The following ROPN1L variants were observed in gnomAD, a reference collection of about 807,000 sequenced individuals.
ROPN1L encodes the protein rhophilin associated tail protein 1 like, also known as ropporin-1-like protein.
In ROPN1L, 23 loss-of-function variants were observed where a neutral mutation model predicts 22.7. That is an observed-to-expected ratio of 1.01 (90% CI 0.73 to 1.43). The LOEUF (loss-of-function observed/expected upper bound fraction) is 1.43. ROPN1L is among the 40% of genes most tolerant of loss of function. The probability of loss-of-function intolerance (pLI) is 0.00; values close to 1 mark genes in which losing one functional copy is unlikely to be tolerated. For synonymous variants in ROPN1L, 116 were observed against 117.8 expected (o/e 0.98, Z 0.10); for missense variants, 271 against 291.5 (o/e 0.93, Z 0.51).
chr5:10,477,112 T>C, the ROPN1L span, among the ~76,000 whole-genome samples: 56 of 152,396 alleles, frequency 3.7e-4, 1 homozygote, highest in East Asian at 8.9e-3. Context: ...TAATGAACAC[T>C]AAAATTAAGT....
intron 1 of ROPN1L, among the ~76,000 whole-genome samples, chr5:10,445,295 A>C (rs1741021608): frequency 6.6e-6 from 1 of 152,150 alleles, no homozygotes; most frequent in Non-Finnish European, 1.5e-5. Flanking sequence ...AGTTTAGGAG[A>C]AAACCCAGGT....
At position 10,448,395 on chromosome 5, in the gene ROPN1L, C is replaced by G. The variant is rs199682495; in HGVS notation, c.255+12C>G. On this transcript the variant is annotated intron_variant, in intron 2 of 4. Coordinates refer to ENST00000274134, the MANE Select transcript of ROPN1L (RefSeq NM_031916.5). The stretch of plus-strand genomic sequence containing the variant: ...TTTTGCACAAGCAGGTATGGGGGGG[C>G]GTAGTCTCTGGCCTCAGGCAGCTGG... 3 of 1,613,842 alleles carry G rather than the reference C, an allele frequency of 1.9e-6. No homozygotes were observed. The South Asian group carries it at 3.3e-5, about 18-fold the overall frequency.
intron 3 of ROPN1L, among the ~76,000 whole-genome samples, chr5:10,460,940 A>C (rs1429904648): frequency 6.6e-6 from 1 of 152,242 alleles, no homozygotes; most frequent in African/African-American, 2.4e-5. Flanking sequence ...TTCTATTTTA[A>C]TAGAAAATAA....
At position 10,442,230 on chromosome 5, in the gene ROPN1L, C is replaced by T. The variant is rs764462958; in HGVS notation, c.63C>T (p.Asp21=). Residue 21 remains aspartate (D), a synonymous_variant, in exon 1 of 5, where the codon GAC becomes GAT. Coordinates refer to ENST00000274134, the MANE Select transcript of ROPN1L (RefSeq NM_031916.5). ...QQIHIPPELP[D]ILKQFTKAAI... ...TCCACATTCCCCCGGAGCTGCCGGA[C>T]ATCCTGAAGCAATTCACCAAGGCTG... 11 of 1,613,750 alleles carry T rather than the reference C, an allele frequency of 6.8e-6. No homozygotes were observed. The African/African-American group carries it at 1.2e-4, about 18-fold the overall frequency.
chr5:10,450,882 A>C (rs1185202027), intron 3 of ROPN1L, among the ~76,000 whole-genome samples: 1 of 152,176 alleles, frequency 6.6e-6, no homozygotes. Context: ...ACTTAGGAAT[A>C]AGACATGATC....
rs199750732 is a variant in ROPN1L at position 10,464,832 on chromosome 5, T to A, written c.594-16T>A. The A allele has an allele frequency of 4.5e-5, 67 of 1,480,426 alleles. No homozygotes were observed. The South Asian group carries it at 4.9e-4, about 11-fold the overall frequency. The allele number at this position is 1,480,426 out of a possible 1,614,324, so 91.7% of individuals were successfully genotyped here. ...GAGAAATTACCAATAAATATCTTTA[T>A]CTGTTTCCAATTTAGAGACGCCAGG... is the stretch of plus-strand genomic sequence containing the variant. On this transcript the variant is annotated splice_polypyrimidine_tract_variant and intron_variant, in intron 4 of 4. Transcript: ENST00000274134.
chr5:10,462,672 T>C (rs538240243), intron 4 of ROPN1L, among the ~76,000 whole-genome samples: 30 of 152,248 alleles, frequency 2.0e-4, no homozygotes, highest in Admixed American at 6.5e-4. Flanking sequence ...GGCAGGTGGA[T>C]CACTTGAGAT....
At chr5:10,468,425 C>G (rs1282870297), downstream of ROPN1L, among the ~76,000 whole-genome samples, 1 of 152,182 alleles carries the variant, frequency 6.6e-6, no homozygotes, top group African/African-American at 2.4e-5. Flanking sequence ...AACACGTTCC[C>G]TATTCTGTTG....
In ROPN1L at chr5:10,450,131, G is replaced by A; in HGVS notation, c.417+18G>A. ...TTGGTGGGGTATGTACCTATAAACA[G>A]CATATTAATAATTCTGTGTCATCAT... On this transcript the variant is annotated intron_variant, in intron 3 of 4. Transcript: ENST00000274134. 1.3e-6 allele frequency: 2 copies of A among 1,546,002 alleles called. No homozygotes were observed. Among genetic ancestry groups the A allele is most frequent in the Non-Finnish European group, 8.7e-7 (1 of 1,145,748 alleles).
chr5:10,442,430 C>G, intron 1 of ROPN1L, 132 bp downstream of exon 1: 3 of 1,129,784 alleles, frequency 2.7e-6, no homozygotes, highest in Non-Finnish European at 3.7e-6. Context: ...AAACTTTCCC[C>G]TTAGCATTGG....
chr5:10,446,092 C>T (rs1306936408), intron 1 of ROPN1L, among the ~76,000 whole-genome samples: 1 of 152,196 alleles, frequency 6.6e-6, no homozygotes, highest in East Asian at 1.9e-4. Flanking sequence ...TTCCTTATGA[C>T]ACCATTGTGC....
chr5:10,460,270 A>G (rs185464688), intron 3 of ROPN1L, among the ~76,000 whole-genome samples: 1 of 152,256 alleles, frequency 6.6e-6, no homozygotes, highest in Admixed American at 6.5e-5. Flanking sequence ...TGAAACAAAC[A>G]CACAAACAGC....
intron 4 of ROPN1L, among the ~76,000 whole-genome samples, chr5:10,461,757 A>G: frequency 6.6e-6 from 1 of 152,280 alleles, no homozygotes; most frequent in South Asian, 2.1e-4. Context: ...TGGGTCAATT[A>G]ATTTGCTAGA....
downstream of ROPN1L, among the ~76,000 whole-genome samples, chr5:10,474,162 A>G (rs959662978): frequency 4.2e-4 from 38 of 90,714 alleles, no homozygotes; most frequent in Non-Finnish European, 6.4e-4. Flanking sequence ...AAAAAAAGGA[A>G]AAAAAAAAAA....
At chr5:10,467,425 G>A (rs1442919483), downstream of ROPN1L, among the ~76,000 whole-genome samples, 1 of 152,134 alleles carries the variant, frequency 6.6e-6, no homozygotes, top group South Asian at 2.1e-4. Context: ...ACAAAACCAC[G>A]GGATCACAGA....
At chr5:10,480,403 T>TA in the ROPN1L span, among the ~76,000 whole-genome samples, 1,868 of 152,296 alleles carry the variant, frequency 0.012, 40 homozygotes, top group African/African-American at 0.043. Flanking sequence ...AGGGCCATCC[T>TA]GAAAACCCCA....
In ROPN1L at chr5:10,442,119, C is replaced by T; in HGVS notation, c.-49C>T. 1 of 1,582,566 alleles carries T rather than the reference C, an allele frequency of 6.3e-7. No homozygotes were observed. The highest frequency in any genetic ancestry group is 8.6e-7 in the Non-Finnish European group (1 of 1,157,136). On this transcript the variant is annotated 5_prime_UTR_variant, in exon 1 of 5. Transcript: ENST00000274134. ...GTCGTAGCCGACAGCCGCCCTTCTT[C>T]CTCGCAGCGCGCCGCGATTCACCAG...
At chr5:10,456,958 C>T (rs1393885368) in intron 3 of ROPN1L, among the ~76,000 whole-genome samples, 1 of 152,196 alleles carries the variant, frequency 6.6e-6, no homozygotes, top group Admixed American at 6.5e-5. Flanking sequence ...GTCCTGCACA[C>T]GGTGGTGACG....
At chr5:10,442,674 A>G (rs1740926317) in intron 1 of ROPN1L, among the ~76,000 whole-genome samples, 1 of 152,258 alleles carries the variant, frequency 6.6e-6, no homozygotes, top group South Asian at 2.1e-4. Context: ...ATGACTTTAC[A>G]AAGAGGAATA....
Sources: gnomAD v4.1 joint callset for allele counts (sites outside exome capture counted in the v4.1 genomes callset) on GRCh38, gnomAD v4.1.1 for gene constraint, MANE v1.5 for transcripts, NCBI Gene and HGNC (gene_info 2026-07-23, HGNC 2026-07-21) for gene names.